Variants in MAP3K13 observed in about 807,000 individuals in gnomAD.
The protein encoded by MAP3K13 is leucine zipper-bearing kinase.
In MAP3K13, 52 loss-of-function variants were observed where a neutral mutation model predicts 104.0. That is an observed-to-expected ratio of 0.50 (90% CI 0.40 to 0.63). The LOEUF is 0.63. Ranked by LOEUF, MAP3K13 falls within the 20% of genes least tolerant of loss-of-function variation. The pLI, the probability that MAP3K13 is intolerant of heterozygous loss-of-function variation, is 0.00. For missense variants in MAP3K13, 914 were observed against 1,218.5 expected (o/e 0.75, Z 3.72); for synonymous variants, 394 against 442.2 (o/e 0.89, Z 1.37).
In MAP3K13 at chr3:185,480,548, T is replaced by A. The variant is rs1441089852; in HGVS notation, c.2799+19T>A. On this transcript the variant is annotated intron_variant, in intron 13 of 13. Transcript: ENST00000265026. ...CTATGAGGTGGGGGCTTCTCCCTTC[T>A]CCTCCCATCACTGTTCCCTTTTTTG... 1 of 1,607,304 alleles carries A rather than the reference T, an allele frequency of 6.2e-7. No individual in the cohort carries two copies. The highest frequency in any genetic ancestry group is 1.1e-5 in the South Asian group (1 of 90,718).
intron 7 of MAP3K13, among the ~76,000 whole-genome samples, chr3:185,455,178 A>ATATGATATATATGAGATATATATC (rs1359647901): frequency 2.0e-5 from 2 of 99,812 alleles, no homozygotes; most frequent in Non-Finnish European, 3.9e-5. Context: ...TGAGATATAT[A>ATATGATATATATGAGATATATATC]TGATATATAT....
At chr3:185,442,366 A>T (rs186666926) in intron 3 of MAP3K13, among the ~76,000 whole-genome samples, 23 of 152,200 alleles carry the variant, frequency 1.5e-4, no homozygotes, top group African/African-American at 5.5e-4. Context: ...AAGATGGAAA[A>T]TTGAGTCGTC....
At chr3:185,437,689 C>T (rs1715118978) in intron 3 of MAP3K13, 59 bp downstream of exon 3, 12 of 1,466,608 alleles carry the variant, frequency 8.2e-6, no homozygotes, top group Non-Finnish European at 1.0e-5. Context: ...CCAATATATA[C>T]ACACAAGTTT....
At chr3:185,294,213 A>G (rs910751288) in intron 2 of MAP3K13, among the ~76,000 whole-genome samples, 3 of 152,208 alleles carry the variant, frequency 2.0e-5, no homozygotes, top group African/African-American at 7.2e-5. Context: ...AAGATAAATA[A>G]GTCACTGACA....
chr3:185,362,980 CACTCA>C, upstream of MAP3K13: 4 of 439,940 alleles, frequency 9.1e-6, no homozygotes, highest in East Asian at 1.5e-4. Flanking sequence ...CACACACACA[CACTCA>C]AGCTGCCAGT....
At chr3:185,300,836 C>A (rs1029274298) in intron 2 of MAP3K13, among the ~76,000 whole-genome samples, 3 of 152,092 alleles carry the variant, frequency 2.0e-5, no homozygotes, top group Admixed American at 6.5e-5. Context: ...TGTGAATATA[C>A]CAAATTTTCT....
intron 1 of MAP3K13, among the ~76,000 whole-genome samples, chr3:185,421,570 T>C (rs1403690484): frequency 6.6e-6 from 1 of 152,200 alleles, no homozygotes; most frequent in Non-Finnish European, 1.5e-5. Context: ...CCTTGTCTTT[T>C]TCCCTTTGAC....
chr3:185,354,441 T>G (rs1723264563), intron 2 of MAP3K13, among the ~76,000 whole-genome samples: 1 of 150,014 alleles, frequency 6.7e-6, no homozygotes, highest in Admixed American at 6.6e-5. Context: ...TGCTCTCCGC[T>G]GCCCTCTGTT....
At position 185,315,023 on chromosome 3, in the gene MAP3K13, C is replaced by T. The variant is rs759362970; in HGVS notation, c.-86+29380C>T. ...ATCCCAGCACTTTGGGAGGCTGAGG[C>T]AGGCGCATCACGAAGTCAGGAGTTT... is the stretch of plus-strand genomic sequence containing the variant. On this transcript the variant is annotated intron_variant, in intron 2 of 14. Coordinates refer to the MAP3K13 transcript ENST00000424227. This position sits in a 1 kb window ranked among gnomAD's most constrained non-coding sequence, Gnocchi z 4.3. Among the ~76,000 whole-genome samples the T allele has an allele frequency of 2.6e-5, 4 of 152,108 alleles. No homozygotes were observed. Among genetic ancestry groups the T allele is most frequent in the African/African-American group, 4.8e-5 (2 of 41,412 alleles).
At chr3:185,409,891 G>A (rs1000465226) in intron 1 of MAP3K13, among the ~76,000 whole-genome samples, 2 of 152,154 alleles carry the variant, frequency 1.3e-5, no homozygotes, top group African/African-American at 2.4e-5. Context: ...GACCAGTTTC[G>A]TAGTAGACAA....
chr3:185,357,388 C>T (rs1402319277), intron 2 of MAP3K13, among the ~76,000 whole-genome samples: 5 of 136,920 alleles, frequency 3.7e-5, no homozygotes, highest in South Asian at 2.2e-4. Context: ...GCGGAGGTTA[C>T]GGTGAGCCAA....
At chr3:185,291,652 A>G in intron 2 of MAP3K13, 1 of 1,532,732 alleles carries the variant, frequency 6.5e-7, no homozygotes, top group Non-Finnish European at 8.7e-7. Flanking sequence ...GCCTATCATC[A>G]TTATGCATTC....
intron 3 of MAP3K13, among the ~76,000 whole-genome samples, chr3:185,441,074 T>C (rs571709545): frequency 2.6e-5 from 4 of 152,176 alleles, no homozygotes; most frequent in Non-Finnish European, 4.4e-5. Flanking sequence ...GCATGGACTT[T>C]CAAATTAGGC....
intron 2 of MAP3K13, among the ~76,000 whole-genome samples, chr3:185,346,297 T>G (rs531685703): frequency 6.6e-6 from 1 of 152,340 alleles, no homozygotes; most frequent in Admixed American, 6.5e-5. Context: ...TCTAGAAATT[T>G]ATACTAAAAG....
At chr3:185,455,127 GAT>G (rs1186831664) in intron 7 of MAP3K13, among the ~76,000 whole-genome samples, 96 of 110,550 alleles carry the variant, frequency 8.7e-4, no homozygotes, top group African/African-American at 2.8e-3. Context: ...ATATATGTGA[GAT>G]ATATATATGA....
chr3:185,292,967 T>C lies in MAP3K13; in HGVS notation c.-86+7324T>C, dbSNP rs140892842. ...TGAAAGAACATAGAATATTTCACAA[T>C]GCATCCCACGTGGTAAGAATAAAAA... On this transcript the variant is annotated intron_variant, in intron 2 of 14. Coordinates refer to the MAP3K13 transcript ENST00000424227. 2,942 of 984,230 alleles carry C rather than the reference T, an allele frequency of 3.0e-3. 2 individuals carry two copies. Among genetic ancestry groups the C allele is most frequent in the Non-Finnish European group, 3.3e-3 (2,715 of 828,806 alleles). 61.0% of individuals were successfully genotyped at this position (984,230 alleles called of 1,614,324 possible). A position where few individuals can be genotyped will look rare whatever the true frequency, so the allele number is the denominator to read the frequency against.
At position 185,395,360 on chromosome 3, in the gene MAP3K13, T is replaced by TC. The variant is rs55982766; in HGVS notation, c.-86+31992_-86+31993insC. 3.9e-4 allele frequency among the ~76,000 whole-genome samples: 22 copies of TC among 56,972 alleles called. 2 individuals carry two copies. The highest frequency in any genetic ancestry group is 4.7e-4 in the African/African-American group (5 of 10,616). 37.4% of individuals were successfully genotyped at this position (56,972 alleles called of 152,430 possible). A position where few individuals can be genotyped will look rare whatever the true frequency, so the allele number is the denominator to read the frequency against. On this transcript the variant is annotated intron_variant, in intron 1 of 13. Transcript: ENST00000265026. Reference sequence around the variant, plus strand: ...CATTTCTAATTCAATATTATTTCTTTTTTTTTTTTTTTTTTTGAGACGGAG... The same window carrying TC: ...CATTTCTAATTCAATATTATTTCTTTCTTTTTTTTTTTTTTTTGAGACGGAG...
At chr3:185,287,899 T>C (rs2108668848) in intron 2 of MAP3K13, among the ~76,000 whole-genome samples, 1 of 152,246 alleles carries the variant, frequency 6.6e-6, no homozygotes, top group Non-Finnish European at 1.5e-5. Context: ...TAGCTGGGCA[T>C]GGTGGCACAT....
intron 1 of MAP3K13, among the ~76,000 whole-genome samples, chr3:185,424,467 T>C (rs2108798585): frequency 6.6e-6 from 1 of 152,340 alleles, no homozygotes; most frequent in African/African-American, 2.4e-5. Flanking sequence ...AAATTTCTTC[T>C]CTTGTGAAAT....
Sources: gnomAD v4.1 joint callset for allele counts (sites outside exome capture counted in the v4.1 genomes callset) on GRCh38, gnomAD v4.1.1 for gene constraint, Gnocchi (gnomAD v3.1) non-coding constraint, MANE v1.5 for transcripts, NCBI Gene and HGNC (gene_info 2026-07-23, HGNC 2026-07-21) for gene names.